GSTM2: variants seen among roughly 807,000 people sequenced by gnomAD.
GSTM2 encodes the protein GST class-mu 2.
A neutral mutation model predicts 33.3 loss-of-function variants in GSTM2; 33 were observed. The ratio of observed to expected loss-of-function variants is 0.99; its 90% CI spans 0.75 to 1.33. The LOEUF (loss-of-function observed/expected upper bound fraction) is 1.33, where lower values mean the gene tolerates loss of function less well. Among genes scored for constraint, GSTM2 ranks in the 40% most tolerant of loss-of-function variants. The pLI, the probability that GSTM2 is intolerant of heterozygous loss-of-function variation, is 0.00. For synonymous variants in GSTM2, 93 were observed against 95.6 expected (o/e 0.97, Z 0.16); for missense variants, 213 against 265.8 (o/e 0.80, Z 1.38).
In GSTM2 at chr1:109,669,480, CAG is replaced by C. The variant is rs755872605; in HGVS notation, c.271_272del (p.Glu91LysfsTer26). ...TGCTTTACGAGGGTAGGCGGGGAAT[CAG>C]AAAAGGAGCAGATTCGCGAAGACAT... On this transcript the variant is annotated frameshift_variant, in exon 5 of 8. Coordinates refer to ENST00000241337, the MANE Select transcript of GSTM2 (RefSeq NM_000848.4). LOFTEE classifies it high-confidence loss of function. The C allele has an allele frequency of 6.2e-7, 1 of 1,613,916 alleles. No individual in the cohort carries two copies. The highest frequency in any genetic ancestry group is 1.1e-5 in the South Asian group (1 of 91,080).
At chr1:109,668,683 C>T in intron 2 of GSTM2, 183 bp downstream of exon 2, 1 of 829,052 alleles carries the variant, frequency 1.2e-6, no homozygotes, top group Non-Finnish European at 2.0e-6. Flanking sequence ...TGCTGGGCCC[C>T]CGTCTGGGTA....
chr1:109,671,090 C>T (rs1372531536), intron 5 of GSTM2, 197 bp from the exon 6 acceptor site: 7 of 591,810 alleles, frequency 1.2e-5, no homozygotes. Context: ...CCCATCACCT[C>T]AGAAAGACTC....
At chr1:109,673,365 G>A in intron 7 of GSTM2, 1 of 1,333,194 alleles carries the variant, frequency 7.5e-7, no homozygotes, top group Non-Finnish European at 1.0e-6. Flanking sequence ...AGCCTGTGAA[G>A]TGTGTGCTGA....
intron 7 of GSTM2, among the ~76,000 whole-genome samples, chr1:109,682,863 CATTTT>C (rs1647886436): frequency 2.6e-5 from 3 of 116,270 alleles, no homozygotes; most frequent in South Asian, 5.5e-4. Context: ...AATTAGGATA[CATTTT>C]ATTTTGTCTG....
At position 109,668,591 on chromosome 1, in the gene GSTM2, C is replaced by T. The variant is rs1647417581; in HGVS notation, c.112+91C>T. On this transcript the variant is annotated intron_variant, in intron 2 of 7. Coordinates refer to ENST00000241337, the MANE Select transcript of GSTM2 (RefSeq NM_000848.4). ...GGCCACCTGTGGCTGACTCTGCAGGCCTCCCTTGCTGGAACTGCAGGCTGT... is the reference window on the plus strand; with the variant it reads ...GGCCACCTGTGGCTGACTCTGCAGGTCTCCCTTGCTGGAACTGCAGGCTGT... The T allele has an allele frequency of 3.4e-5, 48 of 1,404,732 alleles. No homozygotes were observed. The South Asian group carries it at 5.4e-4, about 16-fold the overall frequency. The allele number at this position is 1,404,732 out of a possible 1,614,324, so 87.0% of individuals were successfully genotyped here.
Position 109,669,520 on chromosome 1 carries a change from GT to G in GSTM2, c.312del (p.Phe104LeufsTer20), listed in dbSNP as rs777428645. Reference protein sequence around the residue: ...QIREDILENQFMDSRMQLAKL... With the variant: ...QIREDILENQXMDSRMQLAKL... ...TTCGCGAAGACATTTTGGAGAACCA[GT>G]TTATGGACAGCCGTATGCAGCTGGC... On this transcript the variant is annotated frameshift_variant, in exon 5 of 8. Transcript: ENST00000241337. LOFTEE classifies it high-confidence loss of function. 3 of 1,613,836 alleles carry G rather than the reference GT, an allele frequency of 1.9e-6. No homozygotes were observed. The African/African-American group carries it at 4.0e-5, about 22-fold the overall frequency.
rs1443924661 is a variant in GSTM2 at position 109,682,749 on chromosome 1, T to C, written c.567+11166T>C. ...CAAATTTGGTAGCATCTTCAAATGG[T>C]GATTTCTATTTTCTTCTTTTCAGAT... On this transcript the variant is annotated intron_variant, in intron 7 of 7. Coordinates refer to the GSTM2 transcript ENST00000369831. Among the ~76,000 whole-genome samples the C allele has an allele frequency of 3.2e-5, 4 of 126,528 alleles. 1 individual carries two copies. The highest frequency in any genetic ancestry group is 3.1e-4 in the Admixed American group (4 of 12,996). The allele number at this position is 126,528 out of a possible 152,430, so 83.0% of individuals were successfully genotyped here.
In GSTM2 at chr1:109,671,292, A is replaced by T. The variant is rs1647535118; in HGVS notation, c.366A>T (p.Lys122Asn). The stretch of plus-strand genomic sequence containing the variant: ...ACAGCTGTTTTCTGCCTCAGGAGAA[A>T]CTGAAACCAGAATACCTGCAGGCAC... ...AKLCYDPDFEKLKPEYLQALP... is the reference protein window; with the variant it reads ...AKLCYDPDFENLKPEYLQALP... The change falls in exon 6 of 8, where the codon AAA becomes AAT. Residue 122 changes from lysine (K) to asparagine (N), a missense_variant. By Grantham distance (94) the Lys-to-Asn change is moderately conservative. Coordinates refer to ENST00000241337, the MANE Select transcript of GSTM2 (RefSeq NM_000848.4). The T allele has an allele frequency of 6.2e-7, 1 of 1,612,252 alleles. No individual in the cohort carries two copies.
intron 1 of GSTM2, 31 bp from the exon 2 acceptor site, chr1:109,668,394 T>C: frequency 1.9e-6 from 3 of 1,610,820 alleles, no homozygotes; most frequent in Non-Finnish European, 2.5e-6. Flanking sequence ...ACCCTCCATC[T>C]CTGACCCGAG....
chr1:109,669,506 A>T lies in GSTM2; in HGVS notation c.295A>T (p.Ile99Phe). 1.2e-6 allele frequency: 2 copies of T among 1,614,020 alleles called. No homozygotes were observed. Among genetic ancestry groups the T allele is most frequent in the Non-Finnish European group, 1.7e-6 (2 of 1,179,914 alleles). Residue 99 changes from isoleucine (I) to phenylalanine (F), a missense_variant, in exon 5 of 8, where the codon ATT becomes TTT. By Grantham distance (21) the Ile-to-Phe change is conservative (BLOSUM62 0). Coordinates refer to ENST00000241337, the MANE Select transcript of GSTM2 (RefSeq NM_000848.4). Reference protein sequence around the residue: ...ESEKEQIREDILENQFMDSRM... With the variant: ...ESEKEQIREDFLENQFMDSRM... ...AGAAAAGGAGCAGATTCGCGAAGAC[A>T]TTTTGGAGAACCAGTTTATGGACAG...
At chr1:109,668,203 G>C in intron 1 of GSTM2, 52 bp downstream of exon 1, 1 of 1,548,242 alleles carries the variant, frequency 6.5e-7, no homozygotes, top group Non-Finnish European at 8.9e-7. Flanking sequence ...GGGCGGGGAA[G>C]TGTGGAGCAG....
At chr1:109,678,170 A>G (rs1647752162), downstream of GSTM2, among the ~76,000 whole-genome samples, 1 of 152,104 alleles carries the variant, frequency 6.6e-6, no homozygotes, top group Admixed American at 6.5e-5. Context: ...TTTGAGACAG[A>G]GGCTCACTCT....
chr1:109,670,590 C>CA (rs1476719852), intron 5 of GSTM2: 2 of 152,276 alleles, frequency 1.3e-5, no homozygotes, highest in Non-Finnish European at 2.9e-5. Context: ...TGGTTACTTC[C>CA]AGAATCCCTT....
rs1453751740 is a variant in GSTM2 at position 109,668,103 on chromosome 1, A to G, written c.-13A>G. 1.2e-6 allele frequency: 2 copies of G among 1,613,278 alleles called. No individual in the cohort carries two copies. On this transcript the variant is annotated 5_prime_UTR_variant, in exon 1 of 8. Coordinates refer to ENST00000241337, the MANE Select transcript of GSTM2 (RefSeq NM_000848.4). ...GCTGAGGCCTGTCTGCAGAATCCAC[A>G]GCAACCAGCACCATGCCCATGACAC...
chr1:109,668,407 G>A lies in GSTM2; in HGVS notation c.37-18G>A. The A allele has an allele frequency of 6.2e-7, 1 of 1,613,202 alleles. No individual in the cohort carries two copies. The highest frequency in any genetic ancestry group is 8.5e-7 in the Non-Finnish European group (1 of 1,179,160). On this transcript the variant is annotated intron_variant, in intron 1 of 7. Coordinates refer to ENST00000241337, the MANE Select transcript of GSTM2 (RefSeq NM_000848.4). ...GGACCCTCCATCTCTGACCCGAGCT[G>A]TGGGCCATCTCTCCCAGCTGGCCCA...
At chr1:109,675,659 CA>C (rs1210450349), downstream of GSTM2, among the ~76,000 whole-genome samples, 3 of 152,172 alleles carry the variant, frequency 2.0e-5, no homozygotes, top group South Asian at 2.1e-4. Flanking sequence ...ATGACTGCAT[CA>C]CTTCTGTTAG....
At position 109,671,303 on chromosome 1, in the gene GSTM2, A is replaced by C. The variant is rs746632285; in HGVS notation, c.377A>C (p.Glu126Ala). ...YDPDFEKLKP[E>A]YLQALPEMLK... ...CTGCCTCAGGAGAAACTGAAACCAG[A>C]ATACCTGCAGGCACTCCCTGAAATG... Residue 126 changes from glutamate (E) to alanine (A), a missense_variant, in exon 6 of 8, where the codon GAA becomes GCA. Glu to Ala is a moderately radical substitution (Grantham distance 107, BLOSUM62 -1). Coordinates refer to ENST00000241337, the MANE Select transcript of GSTM2 (RefSeq NM_000848.4). 1.2e-6 allele frequency: 2 copies of C among 1,613,430 alleles called. No individual in the cohort carries two copies. Among genetic ancestry groups the C allele is most frequent in the African/African-American group, 2.7e-5 (2 of 74,918 alleles).
Position 109,668,916 on chromosome 1 carries a change from C to G in GSTM2, c.113-9C>G. On this transcript the variant is annotated splice_polypyrimidine_tract_variant and intron_variant, in intron 2 of 7. Coordinates refer to ENST00000241337, the MANE Select transcript of GSTM2 (RefSeq NM_000848.4). Reference sequence around the variant, plus strand: ...GAGGTTTGTTTTCACTTCATCTTCCCCACCACAGCTCCTGATTATGACAGA... The same window carrying G: ...GAGGTTTGTTTTCACTTCATCTTCCGCACCACAGCTCCTGATTATGACAGA... 6.2e-7 allele frequency: 1 copy of G among 1,612,264 alleles called. No homozygotes were observed. The highest frequency in any genetic ancestry group is 8.5e-7 in the Non-Finnish European group (1 of 1,179,840).
At chr1:109,676,497 G>A (rs985877842), downstream of GSTM2, among the ~76,000 whole-genome samples, 14 of 152,072 alleles carry the variant, frequency 9.2e-5, no homozygotes, top group African/African-American at 3.4e-4. Flanking sequence ...GACTACAGGC[G>A]TGCACACTGT....
Sources: gnomAD v4.1 joint callset for allele counts (sites outside exome capture counted in the v4.1 genomes callset) on GRCh38, gnomAD v4.1.1 for gene constraint, MANE v1.5 for transcripts, NCBI Gene and HGNC (gene_info 2026-07-23, HGNC 2026-07-21) for gene names.